Variants in TRIOBP observed in about 807,000 individuals in gnomAD.
The protein encoded by TRIOBP is TRIO and F-actin-binding protein.
Under a neutral mutation model 238.8 loss-of-function variants are expected in TRIOBP, and 169 were observed. The ratio of observed to expected loss-of-function variants is 0.71; its 90% CI spans 0.62 to 0.80. The LOEUF (loss-of-function observed/expected upper bound fraction) is 0.80. Ranked by LOEUF, TRIOBP falls within the 30% of genes least tolerant of loss-of-function variation. The pLI, the probability that TRIOBP is intolerant of heterozygous loss-of-function variation, is 0.00. For synonymous variants in TRIOBP, 1,150 were observed against 1,274.4 expected, an observed-to-expected ratio of 0.90 and a Z score of 2.08; for missense variants, 2,838 against 3,122.6, an observed-to-expected ratio of 0.91 and a Z score of 2.17.
In TRIOBP at chr22:37,771,676, A is replaced by G; in HGVS notation, c.6876A>G (p.Glu2292=). Residue 2292 remains glutamate (E), a synonymous_variant, in exon 22 of 24, where the codon GAA becomes GAG. Coordinates refer to ENST00000644935, the MANE Select transcript of TRIOBP (RefSeq NM_001039141.3). ...TGCTGCTTCGCGTAAAAGAAAACGA[A>G]CTCCAGTACCTAAAGAAGGAGGTGC... ...LEVLLRVKEN[E]LQYLKKEVQC... The G allele has an allele frequency of 6.2e-7, 1 of 1,613,950 alleles. No individual in the cohort carries two copies. Among genetic ancestry groups the G allele is most frequent in the Non-Finnish European group, 8.5e-7 (1 of 1,179,948 alleles).
intron 11 of TRIOBP, among the ~76,000 whole-genome samples, chr22:37,744,058 G>C (rs1450719581): frequency 1.3e-5 from 2 of 149,112 alleles, no homozygotes; most frequent in African/African-American, 5.0e-5. Context: ...GGCTGGAGTG[G>C]AATGCAGTGG....
chr22:37,729,062 C>G (rs1028833073), intron 7 of TRIOBP, among the ~76,000 whole-genome samples: 4 of 152,078 alleles, frequency 2.6e-5, no homozygotes, highest in African/African-American at 7.2e-5. Context: ...ACTACAGGAG[C>G]ATGCCGCCAC....
At chr22:37,739,631 C>T (rs1187088730) in intron 10 of TRIOBP, among the ~76,000 whole-genome samples, 3 of 152,192 alleles carry the variant, frequency 2.0e-5, no homozygotes, top group East Asian at 3.8e-4. Context: ...ACCCATGCTG[C>T]CCCCGTCCCT....
chr22:37,751,941 G>A (rs1242601490), intron 12 of TRIOBP, 113 bp downstream of exon 12: 12 of 891,404 alleles, frequency 1.3e-5, no homozygotes, highest in Non-Finnish European at 2.0e-5. Context: ...TGGGGGTGGG[G>A]CTGGGAGGGG....
rs375192209 is a variant in TRIOBP, at chr22:37,757,870, G to A, written c.5945G>A (p.Arg1982His). 24 of 1,552,732 alleles carry A rather than the reference G, an allele frequency of 1.5e-5. No homozygotes were observed. The South Asian group carries it at 2.0e-4, about 13-fold the overall frequency. Residue 1982 changes from arginine (R) to histidine (H), a missense_variant, in exon 16 of 24, where the codon CGC becomes CAC. Transcript: ENST00000644935. ...QEELERDLAQ[R>H]SEERRKWFEA... ...GAGCTGGAGCGGGACCTGGCCCAGC[G>A]CTCCGAGGAGCGGCGCAAGTGGTTT...
chr22:37,718,843 GTTT>G (rs71195044), intron 6 of TRIOBP, among the ~76,000 whole-genome samples: 4 of 103,354 alleles, frequency 3.9e-5, no homozygotes, highest in Non-Finnish European at 3.9e-5. Flanking sequence ...ACTGGGGCTT[GTTT>G]TTTTTTTTTT....
chr22:37,747,288 G>A (rs1056176457), intron 11 of TRIOBP, among the ~76,000 whole-genome samples: 1 of 152,196 alleles, frequency 6.6e-6, no homozygotes, highest in Admixed American at 6.5e-5. Context: ...CCCACTGACC[G>A]TGATGTTCGG....
intron 12 of TRIOBP, among the ~76,000 whole-genome samples, chr22:37,753,499 G>T (rs1296716676): frequency 1.3e-5 from 2 of 152,092 alleles, no homozygotes; most frequent in Non-Finnish European, 2.9e-5. Context: ...GGCTGGTCTC[G>T]AACTCCTGAC....
chr22:37,768,167 A>G lies in TRIOBP; in HGVS notation c.6566A>G (p.Lys2189Arg), dbSNP rs1285079728. The G allele has an allele frequency of 2.5e-6, 4 of 1,611,890 alleles. No homozygotes were observed. Among genetic ancestry groups the G allele is most frequent in the Non-Finnish European group, 3.4e-6 (4 of 1,179,072 alleles). Residue 2189 changes from lysine to arginine, a missense_variant, in exon 19 of 24, where the codon AAG (lysine) becomes AGG (arginine). Lys to Arg is a conservative substitution (Grantham distance 26, BLOSUM62 2). Around this residue, in one of 5 missense-constraint regions of TRIOBP, gnomAD observed 2,096 missense variants for 2,137.4 expected, o/e 0.98. Transcript: ENST00000644935. ...CAGCAGGGCCCGGATGGCCTCCGGA[A>G]GCAGCACCAGTAAGATGATGCCGGG... ...SLQQGPDGLR[K>R]QHQSDVEALK...
rs182483906 is a variant in TRIOBP at position 37,776,427 on chromosome 22, C to G, written c.*2647C>G. 2.0e-5 allele frequency: 3 copies of G among 152,342 alleles called. No homozygotes were observed. In the East Asian group the frequency reaches 5.8e-4, roughly 29 times the overall value. The allele number at this position is 152,342 out of a possible 1,614,324, so 9.4% of individuals were successfully genotyped here. The stretch of plus-strand genomic sequence containing the variant: ...TACCCTATGGCCTAGCATTTCCACT[C>G]TTGCTTACACATCCAGGAGAAATGA... On this transcript the variant is annotated 3_prime_UTR_variant, in exon 24 of 24. Coordinates refer to ENST00000644935, the MANE Select transcript of TRIOBP (RefSeq NM_001039141.3).
intron 3 of TRIOBP, among the ~76,000 whole-genome samples, chr22:37,704,123 C>G (rs1922802204): frequency 6.6e-6 from 1 of 152,202 alleles, no homozygotes; most frequent in Non-Finnish European, 1.5e-5. Context: ...GGCACAGTGA[C>G]TCACTCCTGT....
At chr22:37,700,358 A>G (rs943332496) in intron 2 of TRIOBP, among the ~76,000 whole-genome samples, 1 of 145,408 alleles carries the variant, frequency 6.9e-6, no homozygotes. Context: ...GCACACTACC[A>G]CCTCAAACTC....
chr22:37,757,940 G>A lies in TRIOBP; in HGVS notation c.6015G>A (p.Gly2005=). 6.4e-7 allele frequency: 1 copy of A among 1,556,984 alleles called. No homozygotes were observed. The highest frequency in any genetic ancestry group is 8.7e-7 in the Non-Finnish European group (1 of 1,151,032). ...CCCCAGAGGTGCCTGCTGGTGAGGGGCCGCGCCGGGGCCTGGGTGCCCCCC... is the reference window on the plus strand; with the variant it reads ...CCCCAGAGGTGCCTGCTGGTGAGGGACCGCGCCGGGGCCTGGGTGCCCCCC... ...SRTPEVPAGE[G]PRRGLGAPLT... is the part of the protein sequence containing the mutation. The change falls in exon 16 of 24, where the codon GGG becomes GGA. Residue 2005 remains glycine, a synonymous_variant. Transcript: ENST00000644935.
intron 2 of TRIOBP, among the ~76,000 whole-genome samples, 147 bp from the exon 3 acceptor site, chr22:37,701,153 TGAACAG>T (rs1451036011): frequency 6.6e-6 from 1 of 152,102 alleles, no homozygotes. Context: ...AGTGAATAAA[TGAACAG>T]GAATGGATGG....
chr22:37,730,967 A>T, intron 7 of TRIOBP, among the ~76,000 whole-genome samples: 1 of 138,400 alleles, frequency 7.2e-6, no homozygotes, highest in South Asian at 2.3e-4. Context: ...AAAAAAAAAA[A>T]GTTACAAACA....
At chr22:37,767,264 TGAGACTCCGTCTCCTGGGTGAC>T (rs1926547399) in intron 18 of TRIOBP, among the ~76,000 whole-genome samples, 1 of 143,760 alleles carries the variant, frequency 7.0e-6, no homozygotes, top group Non-Finnish European at 1.5e-5. Flanking sequence ...GGTGACAGAG[TGAGACTCCGTCTCCTGGGTGAC>T]AGAGTGAGAC....
Position 37,734,724 on chromosome 22 carries a change from G to C in TRIOBP, c.4388G>C (p.Gly1463Ala), listed in dbSNP as rs1476315073. The change falls in exon 9 of 24, where the codon GGA becomes GCA. Residue 1463 changes from glycine to alanine, a missense_variant. Gly to Ala is a moderately conservative substitution (Grantham distance 60). Transcript: ENST00000644935. ...GLGPGGWWGC[G>A]EPSLGAAKAP... ...GGCCCTGGGGGCTGGTGGGGATGTG[G>C]AGAGCCCAGCCTGGGGGCAGCCAAA... is the stretch of plus-strand genomic sequence containing the variant. 1 of 1,609,606 alleles carries C rather than the reference G, an allele frequency of 6.2e-7. No homozygotes were observed. Among genetic ancestry groups the C allele is most frequent in the Non-Finnish European group, 8.5e-7 (1 of 1,178,514 alleles).
rs1245055754 is a variant in TRIOBP at position 37,735,329 on chromosome 22, C to A, written c.4993C>A (p.Pro1665Thr). ...CCCTGCCTGCACCTCCACCCAGTGGCCAAAGATCAAAGTGACAAGAGGACC... is the reference window on the plus strand; with the variant it reads ...CCCTGCCTGCACCTCCACCCAGTGGACAAAGATCAAAGTGACAAGAGGACC... ...PSPACTSTQW[P>T]KIKVTRGPAT... The change falls in exon 9 of 24, where the codon CCA becomes ACA. Residue 1665 changes from proline to threonine, a missense_variant. Physicochemically the swap from Pro to Thr is conservative, Grantham distance 38. Around this residue, in one of 5 missense-constraint regions of TRIOBP, gnomAD observed 2,096 missense variants for 2,137.4 expected, o/e 0.98. Coordinates refer to ENST00000644935, the MANE Select transcript of TRIOBP (RefSeq NM_001039141.3). 3 of 1,613,198 alleles carry A rather than the reference C, an allele frequency of 1.9e-6. No individual in the cohort carries two copies. The highest frequency in any genetic ancestry group is 1.7e-6 in the Non-Finnish European group (2 of 1,179,808).
chr22:37,742,989 T>C (rs1041011674), intron 11 of TRIOBP, among the ~76,000 whole-genome samples: 1 of 152,190 alleles, frequency 6.6e-6, no homozygotes, highest in Non-Finnish European at 1.5e-5. Flanking sequence ...CAGACCCTGC[T>C]CTGGCTGACC....
Sources: allele counts gnomAD v4.1 joint callset (sites outside exome capture counted in the v4.1 genomes callset), GRCh38; gene constraint gnomAD v4.1.1; regional missense constraint gnomAD v4.1.1; transcripts MANE v1.5; gene names NCBI Gene and HGNC (gene_info 2026-07-23, HGNC 2026-07-21).